Variants in ZNF514 observed in about 807,000 individuals in gnomAD.
The protein encoded by ZNF514 is zinc finger protein 514.
ZNF514 carries 12 observed loss-of-function variants against 9.7 expected under a neutral mutation model. The observed-to-expected ratio is 1.24, with a 90% confidence interval of 0.79 to 2.01. ZNF514 has a LOEUF of 2.01. Ranked by LOEUF, ZNF514 falls within the 30% of genes most tolerant of loss-of-function variation. The pLI is 0.00. For synonymous variants in ZNF514, 158 were observed against 163.7 expected, an observed-to-expected ratio of 0.97 and a Z score of 0.27; for missense variants, 467 against 465.5, an observed-to-expected ratio of 1.00 and a Z score of -0.03.
At position 95,153,218 on chromosome 2, in the gene ZNF514, C is replaced by G. The variant is rs566583163; in HGVS notation, c.36G>C (p.Gln12His). 1 of 1,614,094 alleles carries G rather than the reference C, an allele frequency of 6.2e-7. No homozygotes were observed. Among genetic ancestry groups the G allele is most frequent in the Admixed American group, 1.7e-5 (1 of 60,026 alleles). Reference sequence around the variant, plus strand: ...CAGGGTTCAGCTGCCCCCACTCCCACTGGCTGAATTCCACAGCCACATCTT... The same window carrying G: ...CAGGGTTCAGCTGCCCCCACTCCCAGTGGCTGAATTCCACAGCCACATCTT... ...TFEDVAVEFSQWEWGQLNPAQ... is the reference protein window; with the variant it reads ...TFEDVAVEFSHWEWGQLNPAQ... The change falls in exon 3 of 5, where the codon CAG becomes CAC. Residue 12 changes from glutamine to histidine, a missense_variant. Transcript: ENST00000295208.
chr2:95,139,060 T>C, the ZNF514 span, among the ~76,000 whole-genome samples: 3 of 152,362 alleles, frequency 2.0e-5, no homozygotes. Context: ...TTTTGGTAGC[T>C]TTCACGTGGT....
At chr2:95,134,466 A>G in the ZNF514 span, among the ~76,000 whole-genome samples, 2 of 152,148 alleles carry the variant, frequency 1.3e-5, no homozygotes, top group African/African-American at 4.8e-5. Flanking sequence ...TAACAGCTAC[A>G]TTTTGATATA....
At chr2:95,154,967 G>GA (rs1428316826) in intron 2 of ZNF514, 2 of 152,104 alleles carry the variant, frequency 1.3e-5, no homozygotes, top group Non-Finnish European at 2.9e-5. Flanking sequence ...TGTTCAGAGT[G>GA]AAAAAAGTAT....
At chr2:95,150,585 A>G (rs1673511013) in intron 4 of ZNF514, among the ~76,000 whole-genome samples, 1 of 152,212 alleles carries the variant, frequency 6.6e-6, no homozygotes, top group South Asian at 2.1e-4. Context: ...AGTGTAAAGG[A>G]TGGAGACAAA....
the ZNF514 span, among the ~76,000 whole-genome samples, chr2:95,128,759 G>A: frequency 6.7e-6 from 1 of 149,264 alleles, no homozygotes; most frequent in Non-Finnish European, 1.5e-5. Flanking sequence ...AGGAGGAGAA[G>A]AAGAGGGAGA....
chr2:95,144,220 C>A (rs551779766), downstream of ZNF514, among the ~76,000 whole-genome samples: 2 of 152,114 alleles, frequency 1.3e-5, no homozygotes, highest in South Asian at 2.1e-4. Context: ...GCAGGACAGA[C>A]CCCCGCATTT....
the ZNF514 span, among the ~76,000 whole-genome samples, chr2:95,126,392 A>AAAAAAAAAAAGAAAG: frequency 4.7e-5 from 4 of 84,444 alleles, no homozygotes; most frequent in African/African-American, 2.3e-4. Context: ...AAAAAAAAAA[A>AAAAAAAAAAAGAAAG]AAAGAAAGAA....
chr2:95,142,275 G>A (rs75145358), downstream of ZNF514, among the ~76,000 whole-genome samples: 3,264 of 152,188 alleles, frequency 0.021, 54 homozygotes, highest in South Asian at 0.038. Context: ...AATAGACAAT[G>A]GCTTTTTCAC....
chr2:95,133,602 G>C, the ZNF514 span, among the ~76,000 whole-genome samples: 1 of 152,104 alleles, frequency 6.6e-6, no homozygotes, highest in Non-Finnish European at 1.5e-5. Flanking sequence ...ATTCAGAAAA[G>C]AAAGGATGGT....
the ZNF514 span, among the ~76,000 whole-genome samples, chr2:95,137,143 A>T: frequency 6.6e-6 from 1 of 152,178 alleles, no homozygotes; most frequent in African/African-American, 2.4e-5. Context: ...CGAAAAAGAT[A>T]ATATGGAAGT....
the ZNF514 span, among the ~76,000 whole-genome samples, chr2:95,135,534 A>G: frequency 2.4e-4 from 36 of 148,902 alleles, no homozygotes; most frequent in Non-Finnish European, 4.3e-4. Flanking sequence ...CAATCCTCCT[A>G]CCTCAGCTTC....
downstream of ZNF514, among the ~76,000 whole-genome samples, chr2:95,140,081 G>T (rs1271091409): frequency 6.6e-6 from 1 of 152,078 alleles, no homozygotes; most frequent in Non-Finnish European, 1.5e-5. Context: ...ATTGAACAGT[G>T]AGAACACTTG....
At chr2:95,137,341 G>C in the ZNF514 span, among the ~76,000 whole-genome samples, 1 of 152,246 alleles carries the variant, frequency 6.6e-6, no homozygotes, top group South Asian at 2.1e-4. Flanking sequence ...ATAATCCCTA[G>C]TGGTCCCAAA....
the ZNF514 span, among the ~76,000 whole-genome samples, chr2:95,127,405 A>C: frequency 6.6e-6 from 1 of 152,184 alleles, no homozygotes; most frequent in Admixed American, 6.5e-5. Flanking sequence ...GAAACACCAA[A>C]GGTCAACACC....
At chr2:95,156,781 C>T (rs1352225954) in intron 2 of ZNF514, among the ~76,000 whole-genome samples, 1 of 152,136 alleles carries the variant, frequency 6.6e-6, no homozygotes, top group Non-Finnish European at 1.5e-5. Flanking sequence ...CAAGGCCACA[C>T]AGCCTGTAAG....
At chr2:95,158,757 T>G (rs1673755296) in intron 1 of ZNF514, 3 of 1,163,548 alleles carry the variant, frequency 2.6e-6, no homozygotes, top group Admixed American at 3.4e-5. Context: ...TCCGCCACGG[T>G]CATCTAGAGA....
the ZNF514 span, among the ~76,000 whole-genome samples, chr2:95,133,855 A>T: frequency 2.1e-3 from 315 of 152,272 alleles, 1 homozygote; most frequent in Non-Finnish European, 3.0e-3. Flanking sequence ...CCTCAGGGAT[A>T]TTGAGGAATT....
the ZNF514 span, among the ~76,000 whole-genome samples, chr2:95,130,862 TTAAAG>T: frequency 2.0e-5 from 3 of 152,168 alleles, no homozygotes; most frequent in Non-Finnish European, 4.4e-5. Context: ...GATTAAGAGA[TTAAAG>T]TAAAGACAGG....
At chr2:95,123,575 T>C in the ZNF514 span, among the ~76,000 whole-genome samples, 2 of 152,202 alleles carry the variant, frequency 1.3e-5, no homozygotes, top group Non-Finnish European at 2.9e-5. Context: ...GCCCAAGAGT[T>C]TTCTTCTTCA....
Sources: gnomAD v4.1 joint callset for allele counts (sites outside exome capture counted in the v4.1 genomes callset) on GRCh38, gnomAD v4.1.1 for gene constraint, MANE v1.5 for transcripts, NCBI Gene and HGNC (gene_info 2026-07-23, HGNC 2026-07-21) for gene names.